INTS12: variants seen among roughly 807,000 people sequenced by gnomAD.
INTS12 encodes integrator complex subunit 12.
Under a neutral mutation model 41.6 loss-of-function variants are expected in INTS12, and 13 were observed. The ratio of observed to expected loss-of-function variants is 0.31; its 90% CI spans 0.20 to 0.50. The LOEUF (loss-of-function observed/expected upper bound fraction) is 0.50, where lower values mean the gene tolerates loss of function less well. Ranked by LOEUF, INTS12 falls within the 20% of genes least tolerant of loss-of-function variation. The pLI, the probability that INTS12 is intolerant of heterozygous loss-of-function variation, is 0.98. For synonymous variants in INTS12, 199 were observed against 191.4 expected, an observed-to-expected ratio of 1.04 and a Z score of -0.33; for missense variants, 432 against 541.6, an observed-to-expected ratio of 0.80 and a Z score of 2.01.
In INTS12 at chr4:105,682,796, G is replaced by C. The variant is rs754894181; in HGVS notation, c.1326C>G (p.Leu442=). 1.2e-6 allele frequency: 2 copies of C among 1,614,018 alleles called. No individual in the cohort carries two copies. Among genetic ancestry groups the C allele is most frequent in the South Asian group, 2.2e-5 (2 of 91,070 alleles). Residue 442 remains leucine, a synonymous_variant, in exon 8 of 8, where the codon CTC becomes CTG. Coordinates refer to ENST00000340139, the MANE Select transcript of INTS12 (RefSeq NM_020395.4). ...CCATCTGTAATCGCTTCATAGCATTGAGCTGTGATTCTTGTGAAGTTGGGC... is the reference window on the plus strand; with the variant it reads ...CCATCTGTAATCGCTTCATAGCATTCAGCTGTGATTCTTGTGAAGTTGGGC... The part of the protein sequence containing the change: ...LKGPTSQESQ[L]NAMKRLQMVK...
intron 2 of INTS12, 76 bp downstream of exon 2, chr4:105,703,572 T>C (rs1218938672): frequency 2.0e-5 from 3 of 152,276 alleles, no homozygotes; most frequent in East Asian, 1.9e-4. Flanking sequence ...CCCTACTTTA[T>C]AGACATCCAC....
chr4:105,695,290 A>C (rs1212098656), intron 4 of INTS12, among the ~76,000 whole-genome samples: 1 of 152,056 alleles, frequency 6.6e-6, no homozygotes, highest in Non-Finnish European at 1.5e-5. Flanking sequence ...TAGGACTCAA[A>C]TATTTATTGA....
At chr4:105,687,405 A>G (rs933082337) in intron 6 of INTS12, among the ~76,000 whole-genome samples, 7 of 152,148 alleles carry the variant, frequency 4.6e-5, no homozygotes, top group African/African-American at 1.7e-4. Context: ...AATAAATACA[A>G]ATTTCTATGT....
At chr4:105,708,546 A>AT (rs1732387444) in intron 1 of INTS12, 92 bp downstream of exon 1, 1 of 985,226 alleles carries the variant, frequency 1.0e-6, no homozygotes, top group African/African-American at 1.7e-5. Flanking sequence ...GAGGAAACTA[A>AT]TACCCCACGT....
At chr4:105,687,455 T>C (rs1731536022) in intron 6 of INTS12, among the ~76,000 whole-genome samples, 1 of 152,196 alleles carries the variant, frequency 6.6e-6, no homozygotes, top group African/African-American at 2.4e-5. Flanking sequence ...TATAAGCATC[T>C]TCAGTTTTAT....
chr4:105,699,003 T>C (rs1437523575), intron 3 of INTS12, among the ~76,000 whole-genome samples: 2 of 152,226 alleles, frequency 1.3e-5, no homozygotes, highest in Non-Finnish European at 2.9e-5. Flanking sequence ...AGAGTTGTCA[T>C]TCAGTGACAG....
intron 3 of INTS12, among the ~76,000 whole-genome samples, chr4:105,696,367 A>G (rs1258959597): frequency 6.6e-6 from 1 of 152,220 alleles, no homozygotes; most frequent in Non-Finnish European, 1.5e-5. Context: ...TCAGGCATAT[A>G]GAAAAATATG....
At chr4:105,691,261 G>A (rs1213787552) in intron 6 of INTS12, among the ~76,000 whole-genome samples, 1 of 152,130 alleles carries the variant, frequency 6.6e-6, no homozygotes, top group Non-Finnish European at 1.5e-5. Context: ...AAGTGGGAGG[G>A]AGAGGTGGAG....
At chr4:105,707,340 T>G (rs1012388011) in intron 1 of INTS12, among the ~76,000 whole-genome samples, 1 of 151,510 alleles carries the variant, frequency 6.6e-6, no homozygotes, top group Non-Finnish European at 1.5e-5. Context: ...TTGGCACAAG[T>G]GTTATGTCCC....
chr4:105,691,795 C>T (rs768053027), intron 6 of INTS12, among the ~76,000 whole-genome samples, 181 bp downstream of exon 6: 1 of 152,140 alleles, frequency 6.6e-6, no homozygotes, highest in Non-Finnish European at 1.5e-5. Context: ...ATGCACATAA[C>T]ATGGTCTGGT....
chr4:105,683,552 T>A (rs1360844000), intron 7 of INTS12, among the ~76,000 whole-genome samples: 2 of 152,212 alleles, frequency 1.3e-5, no homozygotes, highest in African/African-American at 2.4e-5. Context: ...AGAAAATATA[T>A]GAAATTCCTT....
chr4:105,686,553 T>G, intron 7 of INTS12, 139 bp downstream of exon 7: 1 of 611,392 alleles, frequency 1.6e-6, no homozygotes, highest in Non-Finnish European at 2.8e-6. Flanking sequence ...CTACCTAATA[T>G]AATAGTAGTA....
At chr4:105,704,720 C>G (rs1732204602) in intron 1 of INTS12, among the ~76,000 whole-genome samples, 1 of 152,188 alleles carries the variant, frequency 6.6e-6, no homozygotes, top group South Asian at 2.1e-4. Flanking sequence ...CTAACCAGTT[C>G]TTCCTCTAGT....
In INTS12 at chr4:105,682,849, T is replaced by C. The variant is rs562435976; in HGVS notation, c.1273A>G (p.Ser425Gly). The change falls in exon 8 of 8, where the codon AGC becomes GGC. Residue 425 changes from serine to glycine, a missense_variant. By Grantham distance (56) the Ser-to-Gly change is moderately conservative. Coordinates refer to ENST00000340139, the MANE Select transcript of INTS12 (RefSeq NM_020395.4). Reference sequence around the variant, plus strand: ...TTAAGGGATGCTGAGGGAGAGCTGCTGGATTCTGAAGTAGTTTTGCTGGTA... The same window carrying C: ...TTAAGGGATGCTGAGGGAGAGCTGCCGGATTCTGAAGTAGTTTTGCTGGTA... Reference protein sequence around the residue: ...STTSKTTSESSSSPSASLKGP... With the variant: ...STTSKTTSESGSSPSASLKGP... 4 of 1,614,152 alleles carry C rather than the reference T, an allele frequency of 2.5e-6. No individual in the cohort carries two copies. Among genetic ancestry groups the C allele is most frequent in the Admixed American group, 1.7e-5 (1 of 60,020 alleles).
At chr4:105,695,377 AATAT>A in intron 4 of INTS12, 135 bp downstream of exon 4, 1 of 586,818 alleles carries the variant, frequency 1.7e-6, no homozygotes, top group Non-Finnish European at 2.7e-6. Flanking sequence ...TATAGCTATC[AATAT>A]ATATTCACTG....
chr4:105,689,009 T>C (rs2149179462), intron 6 of INTS12, among the ~76,000 whole-genome samples: 1 of 152,370 alleles, frequency 6.6e-6, no homozygotes, highest in South Asian at 2.1e-4. Flanking sequence ...AATTCTCCAC[T>C]AAGGCACTAA....
chr4:105,704,060 T>C (rs536029425), intron 1 of INTS12, among the ~76,000 whole-genome samples: 42 of 152,142 alleles, frequency 2.8e-4, no homozygotes, highest in Non-Finnish European at 4.1e-4. Flanking sequence ...TCATTGACAT[T>C]AAATATATTC....
chr4:105,686,003 G>C (rs1206505559), intron 7 of INTS12, among the ~76,000 whole-genome samples: 1 of 152,180 alleles, frequency 6.6e-6, no homozygotes, highest in African/African-American at 2.4e-5. Context: ...ATCTGCTCAA[G>C]TAGTGTGGGG....
chr4:105,698,211 TCATTA>T (rs1292687409), intron 3 of INTS12, among the ~76,000 whole-genome samples: 1 of 152,244 alleles, frequency 6.6e-6, no homozygotes, highest in Non-Finnish European at 1.5e-5. Context: ...TTTGCCTTCC[TCATTA>T]ATGTAAATGA....
Sources: allele counts gnomAD v4.1 joint callset (sites outside exome capture counted in the v4.1 genomes callset), GRCh38; gene constraint gnomAD v4.1.1; transcripts MANE v1.5; gene names NCBI Gene and HGNC (gene_info 2026-07-23, HGNC 2026-07-21).